ECD: variants seen among roughly 807,000 people sequenced by gnomAD.
ECD encodes the protein protein ecdysoneless homolog.
In ECD, 59 loss-of-function variants were observed where a neutral mutation model predicts 77.2. That is an observed-to-expected ratio of 0.76 (90% CI 0.62 to 0.95). The LOEUF (loss-of-function observed/expected upper bound fraction) is 0.95. Among genes scored for constraint, ECD ranks in the 40% least tolerant of loss-of-function variants. The probability of loss-of-function intolerance (pLI) is 0.00; values close to 1 mark genes in which losing one functional copy is unlikely to be tolerated. For synonymous variants in ECD, 233 were observed against 267.4 expected, an observed-to-expected ratio of 0.87 and a Z score of 1.26; for missense variants, 704 against 763.4, an observed-to-expected ratio of 0.92 and a Z score of 0.92.
intron 5 of ECD, among the ~76,000 whole-genome samples, chr10:73,155,876 T>C (rs549169641): frequency 6.6e-6 from 1 of 152,292 alleles, no homozygotes; most frequent in Admixed American, 6.5e-5. Flanking sequence ...AGTGCTGGGA[T>C]TACAGGTGTG....
intron 6 of ECD, among the ~76,000 whole-genome samples, chr10:73,153,239 G>A (rs535214776): frequency 3.3e-5 from 5 of 151,882 alleles, no homozygotes; most frequent in South Asian, 2.1e-4. Context: ...GATTACAGGC[G>A]CCCACCACCA....
chr10:73,166,009 T>C (rs1212865291), intron 1 of ECD, among the ~76,000 whole-genome samples: 1 of 152,166 alleles, frequency 6.6e-6, no homozygotes, highest in Non-Finnish European at 1.5e-5. Context: ...TTCTACTTGC[T>C]ATCTCCATGA....
intron 9 of ECD, among the ~76,000 whole-genome samples, chr10:73,143,504 A>T: frequency 6.6e-6 from 1 of 152,316 alleles, no homozygotes; most frequent in Middle Eastern, 3.4e-3. Flanking sequence ...TTATATGTGT[A>T]ACATCCACAC....
chr10:73,135,738 A>T (rs1842968023), intron 13 of ECD, among the ~76,000 whole-genome samples: 1 of 151,444 alleles, frequency 6.6e-6, no homozygotes, highest in Non-Finnish European at 1.5e-5. Context: ...AATAATAATA[A>T]TAATAATAAA....
intron 5 of ECD, 51 bp downstream of exon 5, chr10:73,156,224 C>T (rs377536975): frequency 1.4e-4 from 216 of 1,501,006 alleles, no homozygotes; most frequent in Admixed American, 1.1e-3. Flanking sequence ...GACTGAACTA[C>T]ACGAAACCAA....
In ECD at chr10:73,136,978, TA is replaced by T. The variant is rs376872450; in HGVS notation, c.1490-61del. ...TAATTATTATTATTATTATTATTATTATTATTATTTAGTTACTACACATCTC... is the reference window on the plus strand; with the variant it reads ...TAATTATTATTATTATTATTATTATTTTATTATTTAGTTACTACACATCTC... On this transcript the variant is annotated intron_variant, in intron 12 of 13. Coordinates refer to ENST00000372979, the MANE Select transcript of ECD (RefSeq NM_007265.3). The T allele has an allele frequency of 0.024, 21,599 of 912,188 alleles. 2,640 individuals are homozygous for T. In the African/African-American group the frequency reaches 0.29, roughly 12 times the overall value. 56.5% of individuals were successfully genotyped at this position (912,188 alleles called of 1,614,324 possible).
At chr10:73,142,652 A>G (rs2133252559) in intron 9 of ECD, among the ~76,000 whole-genome samples, 1 of 143,242 alleles carries the variant, frequency 7.0e-6, no homozygotes, top group Non-Finnish European at 1.5e-5. Flanking sequence ...AAAAAAAAAA[A>G]AAATTGTAGA....
intron 6 of ECD, among the ~76,000 whole-genome samples, chr10:73,152,885 G>A (rs1407513919): frequency 6.8e-6 from 1 of 147,608 alleles, no homozygotes; most frequent in East Asian, 2.1e-4. Flanking sequence ...ACTGCACTCC[G>A]GCCTGGGCAA....
At chr10:73,162,676 C>T (rs1164165927) in intron 2 of ECD, among the ~76,000 whole-genome samples, 2 of 152,094 alleles carry the variant, frequency 1.3e-5, no homozygotes, top group Non-Finnish European at 2.9e-5. Context: ...CACAAGATGC[C>T]AGGCTCCTGA....
In ECD at chr10:73,153,190, G is replaced by A. The variant is rs1271210690; in HGVS notation, c.784-769C>T. Among the ~76,000 whole-genome samples the A allele has an allele frequency of 2.0e-5, 3 of 151,792 alleles. No individual in the cohort carries two copies. In the East Asian group the frequency reaches 6.0e-4, roughly 30 times the overall value. On this transcript the variant is annotated intron_variant, in intron 6 of 13. Coordinates refer to ENST00000372979, the MANE Select transcript of ECD (RefSeq NM_007265.3). ...ACCTTGGCCTCCCAAACCTCCTGGG[G>A]TCAAGCAATCCTCCTACCTCAGCCT... is the stretch of plus-strand genomic sequence containing the variant.
intron 3 of ECD, among the ~76,000 whole-genome samples, chr10:73,156,989 T>G (rs558802393): frequency 5.9e-5 from 9 of 151,540 alleles, no homozygotes; most frequent in Non-Finnish European, 1.2e-4. Context: ...AGAAAAGCCT[T>G]CATGTAGGAG....
At chr10:73,159,930 G>A (rs184006843) in intron 3 of ECD, among the ~76,000 whole-genome samples, 20 of 150,866 alleles carry the variant, frequency 1.3e-4, no homozygotes, top group Admixed American at 9.9e-4. Context: ...GTGAGCCACC[G>A]CGCCTGGCCG....
chr10:73,156,726 C>A, intron 3 of ECD, 71 bp from the exon 4 acceptor site: 1 of 1,386,362 alleles, frequency 7.2e-7, no homozygotes. Context: ...CAGTTTCATT[C>A]TAATACATTT....
At chr10:73,161,381 C>T (rs763172550) in intron 2 of ECD, among the ~76,000 whole-genome samples, 10 of 151,750 alleles carry the variant, frequency 6.6e-5, no homozygotes, top group Non-Finnish European at 2.9e-5. Flanking sequence ...GGGGACAGTA[C>T]AACTTATGTC....
intron 9 of ECD, among the ~76,000 whole-genome samples, chr10:73,144,938 T>C (rs557696841): frequency 6.6e-6 from 1 of 152,272 alleles, no homozygotes; most frequent in Admixed American, 6.5e-5. Flanking sequence ...AAATGATAAA[T>C]GCTTGAGGTG....
intron 2 of ECD, among the ~76,000 whole-genome samples, chr10:73,162,461 G>A (rs777441022): frequency 6.6e-6 from 1 of 152,140 alleles, no homozygotes; most frequent in Non-Finnish European, 1.5e-5. Context: ...ATGGATAAAG[G>A]GTTGGTTTTA....
intron 9 of ECD, among the ~76,000 whole-genome samples, chr10:73,144,805 T>A (rs1843102706): frequency 6.6e-6 from 1 of 152,052 alleles, no homozygotes; most frequent in Admixed American, 6.6e-5. Flanking sequence ...AAATATTTTT[T>A]AAAAAATTAA....
rs553515309 is a variant in ECD, at chr10:73,155,986, A to C, written c.590+289T>G. ...TTAGCCACAATATCTAAGGTAAATA[A>C]ATGCAAAAATATTGGGACAAGATTG... is the stretch of plus-strand genomic sequence containing the variant. On this transcript the variant is annotated intron_variant, in intron 5 of 13. Transcript: ENST00000372979. Among the ~76,000 whole-genome samples, 22 of 152,306 alleles carry C rather than the reference A, an allele frequency of 1.4e-4. No individual in the cohort carries two copies. In the South Asian group the frequency reaches 4.6e-3, roughly 32 times the overall value.
chr10:73,136,666 T>A, intron 13 of ECD, 38 bp downstream of exon 13: 1 of 1,577,800 alleles, frequency 6.3e-7, no homozygotes, highest in Non-Finnish European at 8.7e-7. Context: ...TCTGACATAC[T>A]AGACTCAGAA....
Sources: allele counts gnomAD v4.1 joint callset (sites outside exome capture counted in the v4.1 genomes callset), GRCh38; gene constraint gnomAD v4.1.1; transcripts MANE v1.5; gene names NCBI Gene and HGNC (gene_info 2026-07-23, HGNC 2026-07-21).